The following ADRA1B variants were observed in gnomAD, a reference collection of about 807,000 sequenced individuals.
The protein encoded by ADRA1B is adrenoceptor alpha 1B.
A neutral mutation model predicts 17.9 loss-of-function variants in ADRA1B; 17 were observed. The observed-to-expected ratio is 0.95, with a 90% CI of 0.65 to 1.42. ADRA1B has a LOEUF of 1.42. Among genes scored for constraint, ADRA1B ranks in the 40% most tolerant of loss-of-function variants. The pLI is 0.00. For missense variants in ADRA1B, 681 were observed against 722.1 expected, an observed-to-expected ratio of 0.94 and a Z score of 0.65; for synonymous variants, 366 against 327.6, an observed-to-expected ratio of 1.12 and a Z score of -1.27.
Position 159,916,952 on chromosome 5 carries a change from A to G in ADRA1B, c.47A>G (p.His16Arg). The G allele has an allele frequency of 6.2e-7, 1 of 1,614,070 alleles. No individual in the cohort carries two copies. Among genetic ancestry groups the G allele is most frequent in the Non-Finnish European group, 8.5e-7 (1 of 1,179,976 alleles). ...DTGHNTSAPAHWGELKNANFT... is the reference protein window; with the variant it reads ...DTGHNTSAPARWGELKNANFT... ...GGCCACAACACATCAGCACCTGCCC[A>G]CTGGGGAGAGTTGAAAAATGCCAAC... Residue 16 changes from histidine (H) to arginine (R), a missense_variant, in exon 1 of 2, where the codon CAC (histidine) becomes CGC (arginine). This residue lies in a region of ADRA1B where 424 missense variants were observed against 480.2 expected (regional missense o/e 0.88). Coordinates refer to ENST00000306675, the MANE Select transcript of ADRA1B (RefSeq NM_000679.4).
chr5:159,954,828 T>C (rs1310238927), intron 1 of ADRA1B, among the ~76,000 whole-genome samples: 1 of 152,174 alleles, frequency 6.6e-6, no homozygotes, highest in Non-Finnish European at 1.5e-5. Flanking sequence ...TTCAGACTTT[T>C]ATCATTGAGA....
At chr5:159,960,034 C>T (rs1031608911) in intron 1 of ADRA1B, among the ~76,000 whole-genome samples, 6 of 152,116 alleles carry the variant, frequency 3.9e-5, no homozygotes, top group Non-Finnish European at 7.3e-5. Flanking sequence ...TTGGGAGTTA[C>T]GGAACCCAAG....
chr5:159,923,345 G>A (rs1201619573), intron 1 of ADRA1B, among the ~76,000 whole-genome samples: 4 of 152,276 alleles, frequency 2.6e-5, no homozygotes, highest in Non-Finnish European at 5.9e-5. Flanking sequence ...CACTTCAGAC[G>A]AGACAGGTAG....
chr5:159,948,673 G>C (rs180825114), intron 1 of ADRA1B: 1 of 168,234 alleles, frequency 5.9e-6, no homozygotes, highest in East Asian at 1.9e-4. Context: ...TTTGTCTCTT[G>C]ACGTATTATG....
chr5:159,928,280 T>A lies in ADRA1B; in HGVS notation c.949+10426T>A, dbSNP rs574077337. ...TCTTCACCCCACCCATCATCACCCCTCCTGGCATGACAGCACCATGAGTCA... is the reference window on the plus strand; with the variant it reads ...TCTTCACCCCACCCATCATCACCCCACCTGGCATGACAGCACCATGAGTCA... On this transcript the variant is annotated intron_variant, in intron 1 of 1. Coordinates refer to ENST00000306675, the MANE Select transcript of ADRA1B (RefSeq NM_000679.4). Among the ~76,000 whole-genome samples, 42 of 152,230 alleles carry A rather than the reference T, an allele frequency of 2.8e-4. 1 individual carries two copies. The South Asian group carries it at 8.1e-3, about 29-fold the overall frequency.
intron 1 of ADRA1B, among the ~76,000 whole-genome samples, chr5:159,953,781 T>C (rs1000308494): frequency 5.3e-5 from 8 of 152,110 alleles, no homozygotes; most frequent in African/African-American, 1.9e-4. Flanking sequence ...AGATGTTCAA[T>C]ACAGACTTGC....
intron 1 of ADRA1B, among the ~76,000 whole-genome samples, chr5:159,908,239 A>G (rs367637525): frequency 3.9e-4 from 59 of 152,236 alleles, no homozygotes; most frequent in Admixed American, 1.5e-3. Flanking sequence ...CCCATTTCTG[A>G]GTAATTTTGG....
the ADRA1B span, among the ~76,000 whole-genome samples, chr5:159,980,875 G>A: frequency 6.6e-6 from 1 of 152,048 alleles, no homozygotes; most frequent in Non-Finnish European, 1.5e-5. Context: ...TCTCTCGAGG[G>A]TAGATTATGA....
chr5:159,961,292 G>A (rs1329828792), intron 1 of ADRA1B, among the ~76,000 whole-genome samples: 1 of 152,216 alleles, frequency 6.6e-6, no homozygotes, highest in East Asian at 1.9e-4. Context: ...TTACAATAGA[G>A]AATGTTTGTA....
chr5:159,897,430 G>A (rs1374776552), intron 1 of ADRA1B, among the ~76,000 whole-genome samples: 1 of 151,918 alleles, frequency 6.6e-6, no homozygotes, highest in Non-Finnish European at 1.5e-5. Context: ...AGGTTGCAGT[G>A]AGCAGAGATC....
intron 1 of ADRA1B, among the ~76,000 whole-genome samples, chr5:159,876,503 C>T (rs1753804270): frequency 1.3e-5 from 2 of 152,222 alleles, no homozygotes; most frequent in Admixed American, 1.3e-4. Flanking sequence ...ATGACCATCC[C>T]TAACCCAATC....
chr5:159,902,033 A>G (rs1291422119), intron 1 of ADRA1B, among the ~76,000 whole-genome samples: 1 of 152,254 alleles, frequency 6.6e-6, no homozygotes, highest in Non-Finnish European at 1.5e-5. Context: ...GTATCTCCAA[A>G]AGATATTTAT....
In ADRA1B at chr5:159,917,353, T is replaced by A. The variant is rs1164698280; in HGVS notation, c.448T>A (p.Ser150Thr). 2.5e-6 allele frequency: 4 copies of A among 1,614,110 alleles called. No individual in the cohort carries two copies. Among genetic ancestry groups the A allele is most frequent in the Non-Finnish European group, 2.5e-6 (3 of 1,180,024 alleles). ...CGATCGCTACATCGGGGTGCGCTAC[T>A]CTCTGCAGTATCCCACGCTGGTCAC... ...SIDRYIGVRY[S>T]LQYPTLVTRR... The change falls in exon 1 of 2, where the codon TCT (serine) becomes ACT (threonine). Residue 150 changes from serine (S) to threonine (T), a missense_variant. This residue lies in a region of ADRA1B where 424 missense variants were observed against 480.2 expected (regional missense o/e 0.88). Transcript: ENST00000306675.
At chr5:159,959,678 C>T (rs189810249) in intron 1 of ADRA1B, among the ~76,000 whole-genome samples, 1 of 152,048 alleles carries the variant, frequency 6.6e-6, no homozygotes, top group East Asian at 1.9e-4. Context: ...AAAAGTGACA[C>T]AAAATTCCTG....
At chr5:159,890,285 C>T (rs754544803) in intron 1 of ADRA1B, among the ~76,000 whole-genome samples, 1 of 152,184 alleles carries the variant, frequency 6.6e-6, no homozygotes, top group East Asian at 1.9e-4. Flanking sequence ...TTCAGAACCC[C>T]CAACCTCCTT....
upstream of ADRA1B, among the ~76,000 whole-genome samples, chr5:159,912,350 C>T (rs1754235486): frequency 6.6e-6 from 1 of 152,230 alleles, no homozygotes; most frequent in Non-Finnish European, 1.5e-5. Flanking sequence ...TGACCAGGGT[C>T]ATAGTAAACA....
chr5:159,934,861 CT>C (rs1754911301), intron 1 of ADRA1B, among the ~76,000 whole-genome samples: 1 of 151,658 alleles, frequency 6.6e-6, no homozygotes, highest in African/African-American at 2.4e-5. Flanking sequence ...ACATATCTGT[CT>C]GGCTCTGCTG....
At chr5:159,879,919 C>G (rs553640301) in intron 1 of ADRA1B, among the ~76,000 whole-genome samples, 1 of 152,184 alleles carries the variant, frequency 6.6e-6, no homozygotes, top group South Asian at 2.1e-4. Context: ...TCGCATGAAC[C>G]TGGGAGGAGG....
At chr5:159,888,629 G>A (rs933450933) in intron 1 of ADRA1B, 1 of 152,032 alleles carries the variant, frequency 6.6e-6, no homozygotes, top group Non-Finnish European at 1.5e-5. Context: ...GGAAAGGAGA[G>A]GAAACCCAGA....
Sources: allele counts gnomAD v4.1 joint callset (sites outside exome capture counted in the v4.1 genomes callset), GRCh38; gene constraint gnomAD v4.1.1; regional missense constraint gnomAD v4.1.1; transcripts MANE v1.5; gene names NCBI Gene and HGNC (gene_info 2026-07-23, HGNC 2026-07-21).